Variants in ANKRD30B observed in about 807,000 individuals in gnomAD.
ANKRD30B encodes the protein ankyrin repeat domain-containing protein 30B.
In ANKRD30B, 144 loss-of-function variants were observed where a neutral mutation model predicts 202.2. The observed-to-expected ratio is 0.71, with a 90% CI of 0.62 to 0.82. ANKRD30B has a LOEUF of 0.82. Among genes scored for constraint, ANKRD30B ranks in the 40% least tolerant of loss-of-function variants. The pLI is 0.00. For missense variants in ANKRD30B, 1,487 were observed against 1,669.1 expected, an observed-to-expected ratio of 0.89 and a Z score of 1.90; for synonymous variants, 508 against 561.3, an observed-to-expected ratio of 0.91 and a Z score of 1.34.
intron 15 of ANKRD30B, among the ~76,000 whole-genome samples, chr18:14,790,353 C>A (rs1197583881): frequency 1.3e-5 from 2 of 152,144 alleles, no homozygotes; most frequent in Non-Finnish European, 2.9e-5. Context: ...AATTTGACTT[C>A]CTCTTTTCCT....
chr18:14,871,593 A>C, the ANKRD30B span, among the ~76,000 whole-genome samples: 1 of 151,920 alleles, frequency 6.6e-6, no homozygotes, highest in Non-Finnish European at 1.5e-5. Flanking sequence ...GGTTAGGAGA[A>C]CAAAGGGGAG....
intron 16 of ANKRD30B, among the ~76,000 whole-genome samples, chr18:14,793,413 G>A (rs1472825722): frequency 1.3e-5 from 2 of 152,084 alleles, no homozygotes; most frequent in African/African-American, 2.4e-5. Context: ...TTCAGCTTTT[G>A]CATTTATTTT....
At chr18:14,894,474 G>A in the ANKRD30B span, among the ~76,000 whole-genome samples, 6 of 151,714 alleles carry the variant, frequency 4.0e-5, no homozygotes, top group Non-Finnish European at 7.4e-5. Context: ...AACTGTTAAA[G>A]CTTTATGTTT....
intron 36 of ANKRD30B, 125 bp from the exon 37 acceptor site, chr18:14,840,463 T>G: frequency 2.9e-6 from 1 of 340,450 alleles, no homozygotes; most frequent in Non-Finnish European, 5.2e-6. Flanking sequence ...TACTTGGTCT[T>G]TGGAGCCAGA....
chr18:14,786,034 G>T lies in ANKRD30B; in HGVS notation c.1673-1005G>T, dbSNP rs1243951632. On this transcript the variant is annotated intron_variant, in intron 14 of 43. Transcript: ENST00000690538. ...CAGTCCGGCCTGGGCGACAGAGCGAGACTCCGTCTCAAAAAAAAAAAAAAA... is the reference window on the plus strand; with the variant it reads ...CAGTCCGGCCTGGGCGACAGAGCGATACTCCGTCTCAAAAAAAAAAAAAAA... Among the ~76,000 whole-genome samples the T allele has an allele frequency of 2.9e-5, 3 of 102,638 alleles. No individual in the cohort carries two copies. The East Asian group carries it at 9.9e-4, about 34-fold the overall frequency. 67.3% of individuals were successfully genotyped at this position (102,638 alleles called of 152,430 possible). A position where few individuals can be genotyped will look rare whatever the true frequency, so the allele number is the denominator to read the frequency against.
chr18:14,811,311 A>G (rs1347354576), intron 28 of ANKRD30B, among the ~76,000 whole-genome samples: 1 of 150,894 alleles, frequency 6.6e-6, no homozygotes, highest in Non-Finnish European at 1.5e-5. Flanking sequence ...TCCCGGCTTC[A>G]CGCCATTCTC....
At chr18:14,787,467 A>G (rs1968162628) in intron 15 of ANKRD30B, among the ~76,000 whole-genome samples, 1 of 152,196 alleles carries the variant, frequency 6.6e-6, no homozygotes, top group African/African-American at 2.4e-5. Context: ...CAAAAGTTCT[A>G]ACTGGATTCA....
chr18:14,754,229 T>C (rs945046997), intron 3 of ANKRD30B, among the ~76,000 whole-genome samples: 2 of 152,178 alleles, frequency 1.3e-5, no homozygotes, highest in Non-Finnish European at 2.9e-5. Context: ...GGATTATTGA[T>C]AGAATAGAAT....
intron 35 of ANKRD30B, 150 bp downstream of exon 35, chr18:14,837,439 ATCTT>A (rs1971227792): frequency 2.4e-6 from 2 of 836,022 alleles, no homozygotes; most frequent in Non-Finnish European, 1.8e-6. Context: ...ACATTTTGAT[ATCTT>A]TCTTCATACT....
chr18:14,895,386 C>T, the ANKRD30B span, among the ~76,000 whole-genome samples: 20 of 152,326 alleles, frequency 1.3e-4, no homozygotes, highest in South Asian at 6.2e-4. Flanking sequence ...CAGTGCTGTA[C>T]GCTGGCAAGG....
intron 14 of ANKRD30B, among the ~76,000 whole-genome samples, chr18:14,786,078 G>A (rs1028607557): frequency 1.4e-5 from 2 of 146,754 alleles, no homozygotes; most frequent in African/African-American, 2.5e-5. Flanking sequence ...AAAACAGGTA[G>A]AGAGTTGATA....
chr18:14,856,306 G>A (rs1378034355), downstream of ANKRD30B, among the ~76,000 whole-genome samples: 2 of 98,734 alleles, frequency 2.0e-5, no homozygotes, highest in African/African-American at 3.8e-5. Context: ...TTCCCAGATG[G>A]GGTGGAGGTC....
intron 36 of ANKRD30B, among the ~76,000 whole-genome samples, chr18:14,839,826 G>T (rs1002350358): frequency 6.6e-6 from 1 of 151,902 alleles, no homozygotes; most frequent in African/African-American, 2.4e-5. Context: ...TTCCTACTTC[G>T]CACGACATAC....
chr18:14,768,782 A>G (rs74440494), intron 7 of ANKRD30B, among the ~76,000 whole-genome samples: 8,207 of 152,208 alleles, frequency 0.054, 768 homozygotes, highest in African/African-American at 0.19. Flanking sequence ...TTTTCTAGAA[A>G]TTATACTTTC....
chr18:14,859,237 A>C (rs1598731006), downstream of ANKRD30B, among the ~76,000 whole-genome samples: 1 of 25,478 alleles, frequency 3.9e-5, no homozygotes, highest in Admixed American at 3.7e-4. Flanking sequence ...GGCGCTCCTC[A>C]CCTCCCAGAC....
intron 7 of ANKRD30B, 92 bp from the exon 8 acceptor site, chr18:14,769,251 C>T (rs1916722558): frequency 1.0e-6 from 1 of 961,642 alleles, no homozygotes; most frequent in South Asian, 1.7e-5. Flanking sequence ...GGATTACAGG[C>T]ATTTGCCATC....
At chr18:14,828,782 A>T (rs1450930166) in intron 33 of ANKRD30B, among the ~76,000 whole-genome samples, 5 of 152,220 alleles carry the variant, frequency 3.3e-5, no homozygotes, top group Non-Finnish European at 7.3e-5. Context: ...TAAAGTGGTA[A>T]CCAGTACCTT....
chr18:14,805,996 A>T (rs187725518), intron 24 of ANKRD30B, among the ~76,000 whole-genome samples: 1 of 150,500 alleles, frequency 6.6e-6, no homozygotes, highest in East Asian at 1.9e-4. Context: ...CGAGGCGGGC[A>T]GATCACGAGG....
the ANKRD30B span, among the ~76,000 whole-genome samples, chr18:14,862,025 T>C: frequency 4.6e-5 from 7 of 152,224 alleles, no homozygotes; most frequent in African/African-American, 9.6e-5. Flanking sequence ...AATCTGCTCC[T>C]GAAAGACTTT....
Sources: gnomAD v4.1 joint callset for allele counts (sites outside exome capture counted in the v4.1 genomes callset) on GRCh38, gnomAD v4.1.1 for gene constraint, MANE v1.5 for transcripts, NCBI Gene and HGNC (gene_info 2026-07-23, HGNC 2026-07-21) for gene names.